FSTL5: variants seen among roughly 807,000 people sequenced by gnomAD.
FSTL5 encodes follistatin-related protein 5.
In FSTL5, 62 loss-of-function variants were observed where a neutral mutation model predicts 89.1. The observed-to-expected ratio is 0.70, with a 90% CI of 0.57 to 0.86. FSTL5 has a LOEUF of 0.86. FSTL5 is among the 40% of genes least tolerant of loss of function. The pLI is 0.00. For synonymous variants in FSTL5, 383 were observed against 346.2 expected, an observed-to-expected ratio of 1.11 and a Z score of -1.18; for missense variants, 1,057 against 1,001.6, an observed-to-expected ratio of 1.06 and a Z score of -0.75.
chr4:162,122,475 T>A (rs1478103675), intron 1 of FSTL5, among the ~76,000 whole-genome samples: 2 of 152,110 alleles, frequency 1.3e-5, no homozygotes, highest in Non-Finnish European at 2.9e-5. Context: ...TTGTAGTTTC[T>A]TTTTCCACCT....
chr4:161,765,001 A>T (rs1181590550), intron 5 of FSTL5, among the ~76,000 whole-genome samples: 2 of 152,230 alleles, frequency 1.3e-5, no homozygotes, highest in Non-Finnish European at 2.9e-5. Context: ...CAACAGTTAC[A>T]GGCTTTATCT....
chr4:161,524,381 C>T (rs757321058), intron 10 of FSTL5, among the ~76,000 whole-genome samples: 3 of 152,036 alleles, frequency 2.0e-5, no homozygotes, highest in Non-Finnish European at 4.4e-5. Flanking sequence ...CCTGACCACC[C>T]GGGGCACATC....
intron 4 of FSTL5, among the ~76,000 whole-genome samples, chr4:161,815,977 T>C (rs1730313383): frequency 6.6e-6 from 1 of 152,202 alleles, no homozygotes; most frequent in Admixed American, 6.5e-5. Flanking sequence ...TGAAAGCAGA[T>C]GCTTTACCTG....
chr4:162,116,064 A>G (rs1018046101), intron 1 of FSTL5, among the ~76,000 whole-genome samples: 1 of 152,180 alleles, frequency 6.6e-6, no homozygotes, highest in East Asian at 1.9e-4. Context: ...TGTTGCAGAG[A>G]GGTTAAGTAT....
intron 7 of FSTL5, among the ~76,000 whole-genome samples, chr4:161,632,373 C>T (rs543361791): frequency 2.0e-5 from 3 of 152,146 alleles, no homozygotes; most frequent in South Asian, 2.1e-4. Context: ...GACTGAGACT[C>T]CGCCCCCAAA....
At chr4:161,555,867 A>G (rs1732369676) in intron 8 of FSTL5, among the ~76,000 whole-genome samples, 2 of 151,624 alleles carry the variant, frequency 1.3e-5, no homozygotes, top group Non-Finnish European at 3.0e-5. Context: ...AGAGGAACAG[A>G]AAATGTGTTT....
chr4:161,619,397 A>T (rs1735024440), intron 7 of FSTL5, among the ~76,000 whole-genome samples: 1 of 152,354 alleles, frequency 6.6e-6, no homozygotes, highest in Non-Finnish European at 1.5e-5. Flanking sequence ...ATCAGAGTGA[A>T]CAGGCAACCT....
chr4:162,103,305 TA>T (rs2111388558), intron 2 of FSTL5, among the ~76,000 whole-genome samples: 1 of 152,262 alleles, frequency 6.6e-6, no homozygotes, highest in South Asian at 2.1e-4. Flanking sequence ...TTAAAACTCT[TA>T]AAAGGACAAA....
chr4:161,774,616 A>C, intron 5 of FSTL5, among the ~76,000 whole-genome samples: 1 of 152,076 alleles, frequency 6.6e-6, no homozygotes, highest in African/African-American at 2.4e-5. Flanking sequence ...ATATGTTAAT[A>C]AAAACTAAAA....
chr4:161,663,201 T>C (rs961086099), intron 6 of FSTL5, among the ~76,000 whole-genome samples: 1 of 152,030 alleles, frequency 6.6e-6, no homozygotes, highest in Non-Finnish European at 1.5e-5. Context: ...AAATCTCATG[T>C]CCTCGCATTT....
intron 2 of FSTL5, among the ~76,000 whole-genome samples, chr4:162,109,535 T>C (rs1410289415): frequency 6.6e-6 from 1 of 152,128 alleles, no homozygotes; most frequent in Non-Finnish European, 1.5e-5. Context: ...CAATGATTTT[T>C]GGTAGGTATT....
intron 7 of FSTL5, among the ~76,000 whole-genome samples, chr4:161,602,171 C>G (rs919636490): frequency 6.9e-6 from 1 of 144,170 alleles, no homozygotes; most frequent in Non-Finnish European, 1.5e-5. Context: ...AAGACACACA[C>G]AGAAAAAAAA....
chr4:161,472,102 G>C (rs1733965380), intron 13 of FSTL5, among the ~76,000 whole-genome samples: 1 of 151,836 alleles, frequency 6.6e-6, no homozygotes, highest in Non-Finnish European at 1.5e-5. Context: ...TCAGCCTCCA[G>C]AGTAGCTGGG....
At chr4:161,690,205 C>G (rs1737881204) in intron 6 of FSTL5, among the ~76,000 whole-genome samples, 1 of 152,106 alleles carries the variant, frequency 6.6e-6, no homozygotes, top group African/African-American at 2.4e-5. Flanking sequence ...TCTACAGTGG[C>G]TGCAACATTT....
At chr4:161,936,152 CAGAG>C (rs1179762972) in intron 3 of FSTL5, among the ~76,000 whole-genome samples, 1 of 152,162 alleles carries the variant, frequency 6.6e-6, no homozygotes, top group East Asian at 1.9e-4. Context: ...TTACCCAATA[CAGAG>C]CTTCCTTCAA....
rs867289933 is a variant in FSTL5, at chr4:161,971,988, T to C, written c.161-51336A>G. 5.3e-5 allele frequency among the ~76,000 whole-genome samples: 8 copies of C among 152,312 alleles called. No homozygotes were observed. In the South Asian group the frequency reaches 1.2e-3, roughly 24 times the overall value. ...CAAAGTTACTGTGGTGTACAGACAC[T>C]AAGATGGTCTTTAATGATTGCTACC... On this transcript the variant is annotated intron_variant, in intron 3 of 15. Transcript: ENST00000306100.
intron 6 of FSTL5, among the ~76,000 whole-genome samples, chr4:161,690,642 AT>A (rs1458015818): frequency 6.6e-6 from 1 of 151,954 alleles, no homozygotes; most frequent in Non-Finnish European, 1.5e-5. Context: ...TCATTAAAGG[AT>A]TTTTAGGTTT....
At chr4:161,396,932 T>A (rs1731024414) in intron 15 of FSTL5, among the ~76,000 whole-genome samples, 1 of 152,152 alleles carries the variant, frequency 6.6e-6, no homozygotes, top group African/African-American at 2.4e-5. Flanking sequence ...TGTGGTATTC[T>A]GTGAACTAGG....
At chr4:161,995,339 A>C (rs1197563539) in intron 3 of FSTL5, among the ~76,000 whole-genome samples, 1 of 152,152 alleles carries the variant, frequency 6.6e-6, no homozygotes. Context: ...AAAACTGAGA[A>C]GTGCAGTAAC....
Sources: allele counts gnomAD v4.1 joint callset (sites outside exome capture counted in the v4.1 genomes callset), GRCh38; gene constraint gnomAD v4.1.1; transcripts MANE v1.5; gene names NCBI Gene and HGNC (gene_info 2026-07-23, HGNC 2026-07-21).